The following CSMD1 variants were observed in gnomAD, a reference collection of about 807,000 sequenced individuals.
The protein encoded by CSMD1 is CUB and sushi domain-containing protein 1.
Under a neutral mutation model 417.5 loss-of-function variants are expected in CSMD1, and 213 were observed. That is an observed-to-expected ratio of 0.51 (90% CI 0.46 to 0.57). CSMD1 has a LOEUF of 0.57. Among genes scored for constraint, CSMD1 ranks in the 20% least tolerant of loss-of-function variants. CSMD1 has a pLI of 0.00. For missense variants in CSMD1, 6,923 were observed against 4,529.7 expected (o/e 1.53, Z -15.17); for synonymous variants, 2,862 against 1,736.8 (o/e 1.65, Z -16.11).
intron 10 of CSMD1, among the ~76,000 whole-genome samples, chr8:3,518,717 T>C (rs1359030234): frequency 6.6e-6 from 1 of 152,092 alleles, no homozygotes; most frequent in Non-Finnish European, 1.5e-5. Flanking sequence ...GTTGGTGTGG[T>C]TTTCAAAGTC....
At chr8:3,924,227 C>A (rs190586224) in intron 5 of CSMD1, among the ~76,000 whole-genome samples, 2 of 152,264 alleles carry the variant, frequency 1.3e-5, no homozygotes, top group East Asian at 3.9e-4. Context: ...TTTTCCTGGT[C>A]TTCAGAAAGA....
At chr8:3,386,491 G>A (rs769761136) in intron 18 of CSMD1, among the ~76,000 whole-genome samples, 1 of 152,328 alleles carries the variant, frequency 6.6e-6, no homozygotes, top group South Asian at 2.1e-4. Context: ...GTGTGGGTTC[G>A]TGCTTTGGTG....
chr8:4,557,543 G>C (rs1045796330), intron 2 of CSMD1, among the ~76,000 whole-genome samples: 1 of 151,858 alleles, frequency 6.6e-6, no homozygotes, highest in Non-Finnish European at 1.5e-5. Context: ...TTAACAACGT[G>C]AGAATGAAGG....
intron 2 of CSMD1, among the ~76,000 whole-genome samples, chr8:4,601,156 T>C (rs577174183): frequency 3.2e-4 from 49 of 152,294 alleles, no homozygotes; most frequent in Admixed American, 8.5e-4. Context: ...GGTTTCTCCA[T>C]GTTGGTCAGG....
intron 5 of CSMD1, among the ~76,000 whole-genome samples, chr8:3,977,503 G>C (rs114556741): frequency 6.6e-6 from 1 of 152,148 alleles, no homozygotes; most frequent in Non-Finnish European, 1.5e-5. Context: ...AAACTCACAG[G>C]TAATTTGCTT....
Position 3,201,658 on chromosome 8 carries a change from G to A in CSMD1, c.5052C>T (p.Thr1684=), listed in dbSNP as rs370545458. The stretch of plus-strand genomic sequence containing the variant: ...AGCTGAGAAGTCTGGCCTGTGCATG[G>A]GTTCCATCAAATAATTCTGCCAAAT... ...LNDLAELFDG[T]HAQARLLSSL... The change falls in exon 32 of 70, where the codon ACC becomes ACT. Residue 1684 remains threonine (T), a synonymous_variant. Transcript: ENST00000635120. The A allele has an allele frequency of 5.9e-5, 95 of 1,606,636 alleles. No homozygotes were observed. The African/African-American group carries it at 1.0e-3, about 17-fold the overall frequency.
intron 8 of CSMD1, among the ~76,000 whole-genome samples, chr8:3,607,000 G>A (rs978782918): frequency 2.6e-5 from 4 of 152,204 alleles, no homozygotes; most frequent in South Asian, 2.1e-4. Context: ...GTGAGCCGCC[G>A]TGCCTGGCCT....
chr8:4,124,365 G>A (rs931234835), intron 3 of CSMD1, among the ~76,000 whole-genome samples: 1 of 151,660 alleles, frequency 6.6e-6, no homozygotes, highest in Non-Finnish European at 1.5e-5. Flanking sequence ...GATATGAAAT[G>A]TTTTCTTCTC....
At chr8:3,082,945 A>G (rs150337904) in intron 49 of CSMD1, among the ~76,000 whole-genome samples, 2,107 of 152,288 alleles carry the variant, frequency 0.014, 24 homozygotes, top group East Asian at 0.041. Context: ...AAATAAAATC[A>G]TGAAAACTTC....
chr8:4,916,269 C>A (rs762991450), intron 1 of CSMD1, among the ~76,000 whole-genome samples: 8 of 149,084 alleles, frequency 5.4e-5, no homozygotes, highest in African/African-American at 7.8e-5. Context: ...GACAAGAACA[C>A]GGGGTAATAT....
At chr8:3,528,360 C>G (rs1008734705) in intron 10 of CSMD1, among the ~76,000 whole-genome samples, 3 of 152,126 alleles carry the variant, frequency 2.0e-5, no homozygotes, top group African/African-American at 7.2e-5. Context: ...GTGACAGGCA[C>G]AAGAGAATAC....
At chr8:3,916,478 G>C (rs939001709) in intron 5 of CSMD1, among the ~76,000 whole-genome samples, 1 of 152,124 alleles carries the variant, frequency 6.6e-6, no homozygotes, top group Non-Finnish European at 1.5e-5. Flanking sequence ...AGGCTTGTTA[G>C]CTTGAAATTT....
intron 3 of CSMD1, among the ~76,000 whole-genome samples, chr8:4,236,848 A>C (rs1802096921): frequency 6.6e-6 from 1 of 152,208 alleles, no homozygotes; most frequent in Non-Finnish European, 1.5e-5. Context: ...TCACTGAACA[A>C]AATGGAACAG....
intron 12 of CSMD1, among the ~76,000 whole-genome samples, chr8:3,437,365 G>A (rs1814630600): frequency 6.6e-6 from 1 of 152,144 alleles, no homozygotes; most frequent in Non-Finnish European, 1.5e-5. Flanking sequence ...GGTATAGTTT[G>A]CATTCATATA....
chr8:4,178,591 C>A (rs1385706758), intron 3 of CSMD1, among the ~76,000 whole-genome samples: 1 of 151,294 alleles, frequency 6.6e-6, no homozygotes, highest in African/African-American at 2.4e-5. Context: ...GGCAATTAGG[C>A]AGGAGAAGGA....
At chr8:3,856,910 G>A (rs1804352191) in intron 5 of CSMD1, among the ~76,000 whole-genome samples, 1 of 152,172 alleles carries the variant, frequency 6.6e-6, no homozygotes, top group African/African-American at 2.4e-5. Flanking sequence ...CAGACTGGAG[G>A]TGGTTTGCTA....
chr8:3,090,296 A>G (rs7838044), intron 48 of CSMD1, among the ~76,000 whole-genome samples: 87,709 of 142,232 alleles, frequency 0.62, 27,994 homozygotes, highest in African/African-American at 0.79. Flanking sequence ...CAGCCTGGGC[A>G]ACAGAGCCAG....
chr8:4,443,528 G>C (rs77499582), intron 2 of CSMD1, among the ~76,000 whole-genome samples: 1 of 152,084 alleles, frequency 6.6e-6, no homozygotes, highest in African/African-American at 2.4e-5. Flanking sequence ...ATACAGTATA[G>C]AATTTCACGA....
chr8:4,905,601 C>T (rs192916393), intron 1 of CSMD1, among the ~76,000 whole-genome samples: 24 of 151,896 alleles, frequency 1.6e-4, no homozygotes, highest in East Asian at 9.8e-4. Context: ...GGGCCCATCA[C>T]GAGGTCATGA....
Sources: gnomAD v4.1 joint callset for allele counts (sites outside exome capture counted in the v4.1 genomes callset) on GRCh38, gnomAD v4.1.1 for gene constraint, MANE v1.5 for transcripts, NCBI Gene and HGNC (gene_info 2026-07-23, HGNC 2026-07-21) for gene names.